OPA1: variants seen among roughly 807,000 people sequenced by gnomAD.
OPA1 encodes dynamin-like GTPase OPA1, mitochondrial.
Under a neutral mutation model 152.9 loss-of-function variants are expected in OPA1, and 59 were observed. That is an observed-to-expected ratio of 0.39 (90% CI 0.31 to 0.48). The LOEUF (loss-of-function observed/expected upper bound fraction) is 0.48. OPA1 is among the 20% of genes least tolerant of loss of function. OPA1 has a pLI of 0.96. For missense variants in OPA1, 1,008 were observed against 1,216.8 expected, an observed-to-expected ratio of 0.83 and a Z score of 2.55; for synonymous variants, 400 against 389.9, an observed-to-expected ratio of 1.03 and a Z score of -0.31.
chr3:193,596,640 A>T (rs1266239399), intron 1 of OPA1, among the ~76,000 whole-genome samples: 1 of 152,132 alleles, frequency 6.6e-6, no homozygotes, highest in African/African-American at 2.4e-5. Flanking sequence ...ACTCTTAAAG[A>T]CATGTTTAAT....
chr3:193,683,611 A>G (rs1459991998), intron 29 of OPA1, among the ~76,000 whole-genome samples: 1 of 152,182 alleles, frequency 6.6e-6, no homozygotes, highest in Non-Finnish European at 1.5e-5. Context: ...AGAAATTGCC[A>G]TAGCCACCGT....
At chr3:193,638,981 A>G (rs78386430) in intron 11 of OPA1, among the ~76,000 whole-genome samples, 9,552 of 152,240 alleles carry the variant, frequency 0.063, 377 homozygotes, top group Non-Finnish European at 0.087. Context: ...AGATGTTTAT[A>G]TGCTGATTAT....
Position 193,665,396 on chromosome 3 carries a change from T to C in OPA1, c.2778+400T>C, listed in dbSNP as rs1283517903. Among the ~76,000 whole-genome samples, 8 of 152,152 alleles carry C rather than the reference T, an allele frequency of 5.3e-5. No homozygotes were observed. In the East Asian group the frequency reaches 1.5e-3, roughly 29 times the overall value. On this transcript the variant is annotated intron_variant, in intron 27 of 30. Transcript: ENST00000361510. ...GAGAGGGAAAGAGAAAGTGTGTGTG[T>C]ATCTGTGTGTGTAACATAACCATCC...
chr3:193,632,547 A>G (rs961068844), intron 8 of OPA1, among the ~76,000 whole-genome samples: 1 of 152,112 alleles, frequency 6.6e-6, no homozygotes, highest in African/African-American at 2.4e-5. Flanking sequence ...ACTGACATGC[A>G]TTAATTAACT....
At chr3:193,668,689 T>C (rs1717247546) in intron 29 of OPA1, 1 of 1,403,502 alleles carries the variant, frequency 7.1e-7, no homozygotes, top group African/African-American at 1.4e-5. Context: ...GTGAACCCAT[T>C]GTAACCCAGG....
chr3:193,653,189 G>T (rs911829931), intron 21 of OPA1, among the ~76,000 whole-genome samples: 1 of 152,078 alleles, frequency 6.6e-6, no homozygotes, highest in African/African-American at 2.4e-5. Flanking sequence ...GTCCTTTTGG[G>T]CCCCAGTCAT....
intron 11 of OPA1, among the ~76,000 whole-genome samples, chr3:193,638,939 A>G (rs191139095): frequency 3.3e-5 from 5 of 152,336 alleles, no homozygotes; most frequent in East Asian, 1.9e-4. Flanking sequence ...GGTGCTGGCA[A>G]ATATTGTCGG....
intron 29 of OPA1, 132 bp from the exon 30 acceptor site, chr3:193,691,931 G>A: frequency 1.6e-6 from 1 of 613,044 alleles, no homozygotes; most frequent in Non-Finnish European, 3.0e-6. Context: ...TGGGTAAAAG[G>A]TGGTATGGTG....
chr3:193,651,257 C>T (rs763942700), intron 21 of OPA1, among the ~76,000 whole-genome samples: 8 of 152,086 alleles, frequency 5.3e-5, no homozygotes, highest in East Asian at 3.9e-4. Flanking sequence ...GGAATACAGG[C>T]GGAGAAAACT....
chr3:193,676,493 A>G (rs1719003368), intron 29 of OPA1, among the ~76,000 whole-genome samples: 1 of 152,222 alleles, frequency 6.6e-6, no homozygotes, highest in Non-Finnish European at 1.5e-5. Context: ...CAAACAAAAA[A>G]ACCTGAGTTG....
intron 23 of OPA1, among the ~76,000 whole-genome samples, chr3:193,657,722 A>G (rs970103215): frequency 2.6e-5 from 4 of 152,156 alleles, no homozygotes; most frequent in African/African-American, 9.7e-5. Context: ...CACTCCTGTT[A>G]TTGTCATTGA....
intron 29 of OPA1, among the ~76,000 whole-genome samples, chr3:193,671,821 A>G (rs1325877059): frequency 2.6e-5 from 4 of 152,244 alleles, no homozygotes; most frequent in Admixed American, 6.5e-5. Context: ...ATGTGAAAGT[A>G]CTTTAGAGGA....
chr3:193,688,447 TTC>T (rs1560079370), intron 29 of OPA1, among the ~76,000 whole-genome samples: 1 of 53,994 alleles, frequency 1.9e-5, no homozygotes. Flanking sequence ...AATGGGTCTT[TTC>T]TTTTTTTTTT....
intron 25 of OPA1, among the ~76,000 whole-genome samples, chr3:193,660,160 G>A (rs1200558514): frequency 6.6e-6 from 1 of 151,948 alleles, no homozygotes; most frequent in Non-Finnish European, 1.5e-5. Flanking sequence ...ATGATTGGCG[G>A]GAAAAGATAC....
intron 29 of OPA1, among the ~76,000 whole-genome samples, chr3:193,690,402 T>G (rs1329126295): frequency 7.2e-6 from 1 of 139,794 alleles, no homozygotes; most frequent in Non-Finnish European, 1.5e-5. Flanking sequence ...GGCACTCACC[T>G]GTAGTCTCAG....
chr3:193,634,790 C>T (rs781678418), intron 8 of OPA1, among the ~76,000 whole-genome samples: 20 of 152,132 alleles, frequency 1.3e-4, no homozygotes, highest in Non-Finnish European at 2.4e-4. Context: ...CCTCTGACAG[C>T]CCTCTATTCA....
At chr3:193,662,740 T>G in intron 25 of OPA1, 82 bp from the exon 26 acceptor site, 1 of 1,083,652 alleles carries the variant, frequency 9.2e-7, no homozygotes. Context: ...GCAATAGTAA[T>G]GTATTTATTA....
intron 7 of OPA1, among the ~76,000 whole-genome samples, chr3:193,627,639 T>C (rs1459401720): frequency 2.0e-5 from 3 of 152,190 alleles, no homozygotes; most frequent in African/African-American, 7.2e-5. Context: ...ATAGGCCTGC[T>C]ATTTAACATT....
chr3:193,614,751 A>G lies in OPA1; in HGVS notation c.61A>G (p.Ser21Gly). The G allele has an allele frequency of 6.2e-7, 1 of 1,614,022 alleles. No homozygotes were observed. The highest frequency in any genetic ancestry group is 8.5e-7 in the Non-Finnish European group (1 of 1,179,876). Residue 21 changes from serine to glycine, a missense_variant, in exon 2 of 31, where the codon AGC becomes GGC. Transcript: ENST00000361510. ...CEVCQSLVKH[S>G]SGIKGSLPLQ... The stretch of plus-strand genomic sequence containing the variant: ...GGTCTGCCAGTCTTTAGTGAAACAC[A>G]GCTCTGGAATAAAAGGAAGTTTACC...
Sources: allele counts gnomAD v4.1 joint callset (sites outside exome capture counted in the v4.1 genomes callset), GRCh38; gene constraint gnomAD v4.1.1; transcripts MANE v1.5; gene names NCBI Gene and HGNC (gene_info 2026-07-23, HGNC 2026-07-21).